ZSWIM8: variants seen among roughly 807,000 people sequenced by gnomAD.
The protein encoded by ZSWIM8 is zinc finger SWIM domain-containing protein 8.
Under a neutral mutation model 173.7 loss-of-function variants are expected in ZSWIM8, and 27 were observed. The observed-to-expected ratio is 0.16, with a 90% confidence interval of 0.11 to 0.21. ZSWIM8 has a LOEUF of 0.21. ZSWIM8 is among the 10% of genes least tolerant of loss of function. ZSWIM8 has a pLI of 1.00. For synonymous variants in ZSWIM8, 958 were observed against 962.0 expected, an observed-to-expected ratio of 1.00 and a Z score of 0.08; for missense variants, 1,627 against 2,428.8, an observed-to-expected ratio of 0.67 and a Z score of 6.94.
At chr10:73,798,867 C>T in intron 20 of ZSWIM8, 135 bp from the exon 21 acceptor site, 2 of 1,227,430 alleles carry the variant, frequency 1.6e-6, no homozygotes, top group South Asian at 3.1e-5. Flanking sequence ...TGATAATGGA[C>T]TCTAAGCATT....
In ZSWIM8 at chr10:73,785,674, A is replaced by G. The variant is rs2083192633; in HGVS notation, c.-205A>G. 1 of 647,802 alleles carries G rather than the reference A, an allele frequency of 1.5e-6. No homozygotes were observed. The highest frequency in any genetic ancestry group is 2.8e-6 in the Non-Finnish European group (1 of 351,044). The allele number at this position is 647,802 out of a possible 1,614,324, so 40.1% of individuals were successfully genotyped here. On this transcript the variant is annotated 5_prime_UTR_variant, in exon 1 of 26. Transcript: ENST00000604729. ...TAAGTCTCGGAGACTGGCCAAGATC[A>G]CCGCTTGCACCGCGCTGTTGGGCGA... is the stretch of plus-strand genomic sequence containing the variant.
In ZSWIM8 at chr10:73,800,811, A is replaced by G. The variant is rs1444123805; in HGVS notation, c.5122+52A>G. On this transcript the variant is annotated intron_variant, in intron 24 of 25. Transcript: ENST00000604729. This position sits in a 1 kb window ranked among gnomAD's most constrained non-coding sequence, Gnocchi z 4.1. ...TGCCCCCCCCCCACCTGCTCTCCCC[A>G]CCTTCCTTATCCCAGACCTCCTTCC... 1 of 1,189,466 alleles carries G rather than the reference A, an allele frequency of 8.4e-7. No individual in the cohort carries two copies. Among genetic ancestry groups the G allele is most frequent in the Non-Finnish European group, 1.2e-6 (1 of 848,664 alleles). The allele number at this position is 1,189,466 out of a possible 1,614,324, so 73.7% of individuals were successfully genotyped here. A position where few individuals can be genotyped will look rare whatever the true frequency, so the allele number is the denominator to read the frequency against.
intron 21 of ZSWIM8, 108 bp from the exon 22 acceptor site, chr10:73,799,903 A>AGT: frequency 1.4e-6 from 1 of 715,678 alleles, no homozygotes; most frequent in Non-Finnish European, 2.2e-6. Context: ...ACAGAGCGAG[A>AGT]CTCTATCTCA....
At position 73,792,309 on chromosome 10, in the gene ZSWIM8, G is replaced by A. The variant is rs563321300; in HGVS notation, c.1770G>A (p.Gly590=). The A allele has an allele frequency of 1.2e-6, 2 of 1,612,568 alleles. No homozygotes were observed. Among genetic ancestry groups the A allele is most frequent in the Non-Finnish European group, 1.7e-6 (2 of 1,179,252 alleles). Residue 590 remains glycine (G), a synonymous_variant, in exon 10 of 26, where the codon GGG becomes GGA. Transcript: ENST00000604729. The surrounding 1 kb of genome is among the most constrained non-coding windows in gnomAD (Gnocchi z 4.3). ...PGGGKAKALG[G]AGSGSKGSAG... ...GGGGCAAAGCCAAGGCACTGGGTGG[G>A]GCTGGCAGTGGGAGCAAGGGCTCAG...
At position 73,796,892 on chromosome 10, in the gene ZSWIM8, G is replaced by A; in HGVS notation, c.3152G>A (p.Gly1051Asp). 3 of 1,614,028 alleles carry A rather than the reference G, an allele frequency of 1.9e-6. No homozygotes were observed. The highest frequency in any genetic ancestry group is 2.5e-6 in the Non-Finnish European group (3 of 1,179,892). Residue 1051 changes from glycine to aspartate, a missense_variant, in exon 16 of 26, where the codon GGC becomes GAC. Physicochemically the swap from Gly to Asp is moderately conservative, Grantham distance 94. Around this residue, in one of 18 missense-constraint regions of ZSWIM8, gnomAD observed 163 missense variants for 193.2 expected, o/e 0.84. Coordinates refer to ENST00000604729, the MANE Select transcript of ZSWIM8 (RefSeq NM_001367799.1). ...ASQRSPSKHGGPSAPGALQPL... is the reference protein window; with the variant it reads ...ASQRSPSKHGDPSAPGALQPL... ...CAGAGGTCTCCTTCAAAGCACGGGG[G>A]CCCATCTGCCCCAGGGGCCCTGCAA...
intron 1 of ZSWIM8, 46 bp from the exon 2 acceptor site, chr10:73,788,624 T>C (rs766918052): frequency 6.2e-7 from 1 of 1,603,914 alleles, no homozygotes; most frequent in South Asian, 1.1e-5. Context: ...ATGGCCCTTT[T>C]CATTTCCTAT....
rs2083805299 is a variant in ZSWIM8 at position 73,799,225 on chromosome 10, G to A, written c.4400G>A (p.Gly1467Asp). The change falls in exon 21 of 26, where the codon GGC becomes GAC. Residue 1467 changes from glycine to aspartate, a missense_variant. Transcript: ENST00000604729. ...CGGGGTATGCCTGAGGGTAGAGGGG[G>A]CCCAGGGACTGAGCCGGTTACAGTG... ...AGRGMPEGRG[G>D]PGTEPVTVAA... is the part of the protein sequence containing the mutation. 1 of 1,605,130 alleles carries A rather than the reference G, an allele frequency of 6.2e-7. No homozygotes were observed. Among genetic ancestry groups the A allele is most frequent in the African/African-American group, 1.3e-5 (1 of 74,734 alleles).
intron 1 of ZSWIM8, 133 bp downstream of exon 1, chr10:73,786,219 C>T (rs1180249872): frequency 1.7e-5 from 18 of 1,057,494 alleles, no homozygotes; most frequent in Admixed American, 3.2e-5. Context: ...TGTCCCCGGC[C>T]GGGAGCTGTC....
At position 73,795,536 on chromosome 10, in the gene ZSWIM8, C is replaced by T. The variant is rs1195115227; in HGVS notation, c.2909-3C>T. 4.3e-6 allele frequency: 7 copies of T among 1,613,806 alleles called. No homozygotes were observed. Among genetic ancestry groups the T allele is most frequent in the Non-Finnish European group, 4.2e-6 (5 of 1,179,772 alleles). On this transcript the variant is annotated splice_polypyrimidine_tract_variant and splice_region_variant and intron_variant, in intron 14 of 25. Coordinates refer to ENST00000604729, the MANE Select transcript of ZSWIM8 (RefSeq NM_001367799.1). ...AATCCCCATAAGGTCCTCTTTCTCG[C>T]AGGCATGAAGACAACAGTGAGCGAG...
At chr10:73,793,811 C>T (rs1282732884) in intron 11 of ZSWIM8, 54 bp from the exon 12 acceptor site, 6 of 1,568,514 alleles carry the variant, frequency 3.8e-6, no homozygotes, top group Non-Finnish European at 5.2e-6. Context: ...CTTCTACCTC[C>T]ACCAAGGTAA....
Position 73,793,687 on chromosome 10 carries a change from C to T in ZSWIM8, c.2413C>T (p.Pro805Ser). 6.2e-7 allele frequency: 1 copy of T among 1,613,506 alleles called. No homozygotes were observed. The highest frequency in any genetic ancestry group is 1.1e-5 in the South Asian group (1 of 91,050). Residue 805 changes from proline (P) to serine (S), a missense_variant, in exon 11 of 26, where the codon CCC becomes TCC. Physicochemically the swap from Pro to Ser is moderately conservative, Grantham distance 74 (BLOSUM62 -1). This residue lies in a region of ZSWIM8 where 169 missense variants were observed against 235.3 expected (regional missense o/e 0.72). Transcript: ENST00000604729. ...ELAQDLLANP[P>S]DLKVEPPPAK... ...TGCCCAGGATCTGCTAGCCAACCCA[C>T]CCGACCTCAAGGTAGAGCCGCCCCC...
Position 73,792,742 on chromosome 10 carries a change from A to C in ZSWIM8, c.2203A>C (p.Asn735His). 1 of 1,613,438 alleles carries C rather than the reference A, an allele frequency of 6.2e-7. No homozygotes were observed. The change falls in exon 10 of 26, where the codon AAT becomes CAT. Residue 735 changes from asparagine (N) to histidine (H), a missense_variant. By Grantham distance (68) the Asn-to-His change is moderately conservative (BLOSUM62 1). Coordinates refer to ENST00000604729, the MANE Select transcript of ZSWIM8 (RefSeq NM_001367799.1). The surrounding 1 kb of genome is among the most constrained non-coding windows in gnomAD (Gnocchi z 4.3). ...TGATGACTACCAGGCGTACTATCTG[A>C]ATGCCCAGGATGGGGCTGGGGGCGA... The part of the protein sequence containing the change: ...EDDDYQAYYL[N>H]AQDGAGGEEE...
rs1269320241 is a variant in ZSWIM8, at chr10:73,797,560, C to T, written c.3617C>T (p.Ala1206Val). ...TCATCCTCCAGTGGAAGTCGCCGGG[C>T]CAGTGCCAGTGGAGGAGCCCGGGCG... ...GSSSSSGSRR[A>V]SASGGARAKT... The change falls in exon 18 of 26, where the codon GCC (alanine) becomes GTC (valine). Residue 1206 changes from alanine (A) to valine (V), a missense_variant. By Grantham distance (64) the Ala-to-Val change is moderately conservative. Around this residue, in one of 18 missense-constraint regions of ZSWIM8, gnomAD observed 72 missense variants for 98.4 expected, o/e 0.73. Transcript: ENST00000604729. This position sits in a 1 kb window ranked among gnomAD's most constrained non-coding sequence, Gnocchi z 5.6. The T allele has an allele frequency of 4.3e-6, 7 of 1,613,966 alleles. No individual in the cohort carries two copies. The highest frequency in any genetic ancestry group is 1.6e-4 in the Middle Eastern group (1 of 6,062).
chr10:73,785,854 C>A lies in ZSWIM8; in HGVS notation c.-25C>A. On this transcript the variant is annotated 5_prime_UTR_variant, in exon 1 of 26. Coordinates refer to ENST00000604729, the MANE Select transcript of ZSWIM8 (RefSeq NM_001367799.1). ...CAGGCCCCGGATCCGCGGGGGGGGACCCGGCCCCGGGGGGTGCGGGCCCCA... is the reference window on the plus strand; with the variant it reads ...CAGGCCCCGGATCCGCGGGGGGGGAACCGGCCCCGGGGGGTGCGGGCCCCA... The A allele has an allele frequency of 1.4e-6, 2 of 1,476,796 alleles. No individual in the cohort carries two copies. Among genetic ancestry groups the A allele is most frequent in the Non-Finnish European group, 1.8e-6 (2 of 1,110,556 alleles). The allele number at this position is 1,476,796 out of a possible 1,614,324, so 91.5% of individuals were successfully genotyped here.
Position 73,794,183 on chromosome 10 carries a change from C to G in ZSWIM8, c.2662C>G (p.Leu888Val). The G allele has an allele frequency of 6.2e-6, 10 of 1,614,056 alleles. No homozygotes were observed. Among genetic ancestry groups the G allele is most frequent in the Non-Finnish European group, 8.5e-6 (10 of 1,179,902 alleles). ...LAYQESEVAA[L>V]LKKIPLGPSE... ...ATACCAGGAGTCTGAGGTGGCTGCCCTGCTCAAGAAGATCCCTCTGGGTCC... is the reference window on the plus strand; with the variant it reads ...ATACCAGGAGTCTGAGGTGGCTGCCGTGCTCAAGAAGATCCCTCTGGGTCC... The change falls in exon 13 of 26, where the codon CTG (leucine) becomes GTG (valine). Residue 888 changes from leucine (L) to valine (V), a missense_variant. Coordinates refer to ENST00000604729, the MANE Select transcript of ZSWIM8 (RefSeq NM_001367799.1).
At chr10:73,796,162 A>G (rs1037900872) in intron 15 of ZSWIM8, among the ~76,000 whole-genome samples, 1 of 151,644 alleles carries the variant, frequency 6.6e-6, no homozygotes, top group Admixed American at 6.6e-5. Context: ...CAACCTGGCC[A>G]ACATAGTGAG....
At chr10:73,787,659 T>C (rs1312583395) in intron 1 of ZSWIM8, among the ~76,000 whole-genome samples, 1 of 151,962 alleles carries the variant, frequency 6.6e-6, no homozygotes, top group Non-Finnish European at 1.5e-5. Context: ...TGAGACCAGC[T>C]TGGCCAACAT....
Position 73,799,134 on chromosome 10 carries a change from T to C in ZSWIM8, c.4309T>C (p.Ser1437Pro), listed in dbSNP as rs759231000. 53 of 1,613,232 alleles carry C rather than the reference T, an allele frequency of 3.3e-5. No homozygotes were observed. Among genetic ancestry groups the C allele is most frequent in the Non-Finnish European group, 3.1e-5 (36 of 1,179,648 alleles). The change falls in exon 21 of 26, where the codon TCC (serine) becomes CCC (proline). Residue 1437 changes from serine to proline, a missense_variant. By Grantham distance (74) the Ser-to-Pro change is moderately conservative. This residue lies in a region of ZSWIM8 where 95 missense variants were observed against 271.3 expected (regional missense o/e 0.35). Transcript: ENST00000604729. ...GTATGAGCAAACTGCAGGTGGCTCA[T>C]CCACAGCCCGTGAAGGGGCTACAAG... ...WLYEQTAGGS[S>P]TAREGATSCS... is the part of the protein sequence containing the mutation.
intron 1 of ZSWIM8, among the ~76,000 whole-genome samples, chr10:73,787,467 G>A (rs1589551413): frequency 6.6e-6 from 1 of 152,294 alleles, no homozygotes; most frequent in East Asian, 1.9e-4. Context: ...GATGAAGATT[G>A]TTAACATATT....
Sources: gnomAD v4.1 joint callset for allele counts (sites outside exome capture counted in the v4.1 genomes callset) on GRCh38, gnomAD v4.1.1 for gene constraint, gnomAD v4.1.1 regional missense constraint, Gnocchi (gnomAD v3.1) non-coding constraint, MANE v1.5 for transcripts, NCBI Gene and HGNC (gene_info 2026-07-23, HGNC 2026-07-21) for gene names.